The following CCDC170 variants were observed in gnomAD, a reference collection of about 807,000 sequenced individuals.
CCDC170 encodes coiled-coil domain-containing protein 170.
A neutral mutation model predicts 72.6 loss-of-function variants in CCDC170; 69 were observed. The ratio of observed to expected loss-of-function variants is 0.95; its 90% CI spans 0.78 to 1.16. The LOEUF is 1.16. Ranked by LOEUF, CCDC170 falls within the 50% of genes most tolerant of loss-of-function variation. The pLI, the probability that CCDC170 is intolerant of heterozygous loss-of-function variation, is 0.00. For missense variants in CCDC170, 852 were observed against 832.5 expected (o/e 1.02, Z -0.29); for synonymous variants, 300 against 303.9 (o/e 0.99, Z 0.13).
intron 6 of CCDC170, among the ~76,000 whole-genome samples, chr6:151,577,609 G>A (rs1326427125): frequency 8.1e-6 from 1 of 123,434 alleles, no homozygotes; most frequent in African/African-American, 3.3e-5. Context: ...GCTGGTCCAG[G>A]GGCTCTGTGG....
intron 1 of CCDC170, among the ~76,000 whole-genome samples, chr6:151,535,267 A>G (rs1162225261): frequency 6.6e-6 from 1 of 152,180 alleles, no homozygotes; most frequent in Non-Finnish European, 1.5e-5. Context: ...GGAAATTCCA[A>G]AATTGGAGTG....
chr6:151,591,342 T>C (rs1776531544), intron 7 of CCDC170, among the ~76,000 whole-genome samples: 1 of 152,158 alleles, frequency 6.6e-6, no homozygotes, highest in Non-Finnish European at 1.5e-5. Flanking sequence ...GTAAGCATTG[T>C]CCTATGTGTG....
At chr6:151,561,726 C>T (rs907439784) in intron 5 of CCDC170, among the ~76,000 whole-genome samples, 27 of 151,966 alleles carry the variant, frequency 1.8e-4, no homozygotes, top group African/African-American at 6.3e-4. Flanking sequence ...CATAGGAGTT[C>T]TCTAAATTTC....
chr6:151,548,942 C>A (rs1409921027), intron 5 of CCDC170, among the ~76,000 whole-genome samples: 1 of 151,962 alleles, frequency 6.6e-6, no homozygotes, highest in Non-Finnish European at 1.5e-5. Flanking sequence ...ACTCTGTCAC[C>A]CATGCTGGAG....
intron 6 of CCDC170, among the ~76,000 whole-genome samples, chr6:151,575,911 T>C (rs6916452): frequency 0.9 from 136,453 of 152,166 alleles, 61,461 homozygotes; most frequent in East Asian, 0.99. Context: ...TAGAGGTCTC[T>C]GCGAGTAACT....
chr6:151,611,317 G>A (rs1264181928), intron 9 of CCDC170, among the ~76,000 whole-genome samples: 1 of 152,058 alleles, frequency 6.6e-6, no homozygotes, highest in Admixed American at 6.6e-5. Flanking sequence ...TATTAAGGCT[G>A]CCATAACAAA....
chr6:151,576,722 C>T (rs998035100), intron 6 of CCDC170, among the ~76,000 whole-genome samples: 4 of 152,042 alleles, frequency 2.6e-5, no homozygotes, highest in Non-Finnish European at 4.4e-5. Flanking sequence ...CTCATCTTCA[C>T]GTAAAATCAG....
chr6:151,568,857 T>G (rs1178523422), intron 5 of CCDC170, among the ~76,000 whole-genome samples: 1 of 152,254 alleles, frequency 6.6e-6, no homozygotes, highest in Non-Finnish European at 1.5e-5. Flanking sequence ...TCATGTAGTA[T>G]GTTGTCTTTT....
chr6:151,494,035 C>T lies in CCDC170; in HGVS notation c.-94C>T. On this transcript the variant is annotated 5_prime_UTR_variant, in exon 1 of 11. Transcript: ENST00000239374. ...CGTCCCCGCGGTGTTTACCCGTTGC[C>T]CGAGGAGACACCCGCGCCACCCGCC... The T allele has an allele frequency of 7.9e-7, 1 of 1,263,232 alleles. No individual in the cohort carries two copies. The highest frequency in any genetic ancestry group is 1.7e-5 in the South Asian group (1 of 57,738). The allele number at this position is 1,263,232 out of a possible 1,614,324, so 78.3% of individuals were successfully genotyped here.
At chr6:151,495,030 C>A (rs1781890004) in intron 1 of CCDC170, among the ~76,000 whole-genome samples, 1 of 152,222 alleles carries the variant, frequency 6.6e-6, no homozygotes, top group South Asian at 2.1e-4. Context: ...ATTTTTCTTT[C>A]TTTCCAAAGT....
Position 151,593,285 on chromosome 6 carries a change from GA to G in CCDC170, c.1467+6del. ...GCCCACAATTTGCAGAGAAAGGTAG[GA>G]GATATTGAAACTTGCTAGTATTGAG... is the stretch of plus-strand genomic sequence containing the variant. On this transcript the variant is annotated splice_donor_region_variant and intron_variant, in intron 8 of 10. Coordinates refer to ENST00000239374, the MANE Select transcript of CCDC170 (RefSeq NM_025059.4). The G allele has an allele frequency of 5.0e-6, 8 of 1,611,200 alleles. No homozygotes were observed. The highest frequency in any genetic ancestry group is 5.9e-6 in the Non-Finnish European group (7 of 1,177,932).
intron 5 of CCDC170, among the ~76,000 whole-genome samples, chr6:151,555,554 G>T (rs1022373986): frequency 1.3e-5 from 2 of 152,170 alleles, no homozygotes; most frequent in African/African-American, 4.8e-5. Flanking sequence ...CAATTTCCCT[G>T]ACTAGCTAAT....
In CCDC170 at chr6:151,619,558, C is replaced by T. The variant is rs1777026983; in HGVS notation, c.*1411C>T. ...AGGGAAAGAAATAGATCTGGTGCAC[C>T]CGAACATTAGGAGAAAATGAAAAAT... is the stretch of plus-strand genomic sequence containing the variant. On this transcript the variant is annotated 3_prime_UTR_variant, in exon 11 of 11. Coordinates refer to ENST00000239374, the MANE Select transcript of CCDC170 (RefSeq NM_025059.4). 1 of 151,950 alleles carries T rather than the reference C, an allele frequency of 6.6e-6. No homozygotes were observed. The highest frequency in any genetic ancestry group is 2.4e-5 in the African/African-American group (1 of 41,342). The allele number at this position is 151,950 out of a possible 1,614,324, so 9.4% of individuals were successfully genotyped here. A position where few individuals can be genotyped will look rare whatever the true frequency, so the allele number is the denominator to read the frequency against.
intron 9 of CCDC170, among the ~76,000 whole-genome samples, chr6:151,602,954 C>T (rs1776733143): frequency 6.6e-6 from 1 of 152,026 alleles, no homozygotes; most frequent in South Asian, 2.1e-4. Context: ...GCGTGTGCCA[C>T]CATGCCCGGC....
At chr6:151,588,160 A>T (rs973525202) in intron 7 of CCDC170, among the ~76,000 whole-genome samples, 1 of 152,166 alleles carries the variant, frequency 6.6e-6, no homozygotes, top group African/African-American at 2.4e-5. Flanking sequence ...TTTTTGAGTA[A>T]AAGAAAGATT....
chr6:151,563,687 T>G (rs531113045), intron 5 of CCDC170, among the ~76,000 whole-genome samples: 18 of 152,168 alleles, frequency 1.2e-4, no homozygotes, highest in African/African-American at 4.3e-4. Context: ...GCCACCAAGT[T>G]CTCTGTCCCT....
At chr6:151,513,901 C>T (rs999525092) in intron 1 of CCDC170, among the ~76,000 whole-genome samples, 2 of 99,096 alleles carry the variant, frequency 2.0e-5, no homozygotes, top group African/African-American at 8.1e-5. Flanking sequence ...GTCTGGATGA[C>T]AGAATGAGAC....
chr6:151,529,567 G>A (rs1782463511), intron 1 of CCDC170, among the ~76,000 whole-genome samples: 1 of 152,144 alleles, frequency 6.6e-6, no homozygotes, highest in Non-Finnish European at 1.5e-5. Context: ...TGAGGCAGGA[G>A]AATCGCTTGA....
rs537740174 is a variant in CCDC170 at position 151,514,699 on chromosome 6, G to A, written c.57+20514G>A. Among the ~76,000 whole-genome samples, 20 of 152,274 alleles carry A rather than the reference G, an allele frequency of 1.3e-4. No individual in the cohort carries two copies. In the South Asian group the frequency reaches 3.5e-3, roughly 27 times the overall value. ...GAGTTTATTCCTTACCTTGTCTATC[G>A]TGGGCAGCTTTGTAGGTGGGGAAAG... On this transcript the variant is annotated intron_variant, in intron 1 of 10. Coordinates refer to ENST00000239374, the MANE Select transcript of CCDC170 (RefSeq NM_025059.4).
Sources: allele counts gnomAD v4.1 joint callset (sites outside exome capture counted in the v4.1 genomes callset), GRCh38; gene constraint gnomAD v4.1.1; transcripts MANE v1.5; gene names NCBI Gene and HGNC (gene_info 2026-07-23, HGNC 2026-07-21).